The following FER1L6 variants were observed in gnomAD, a reference collection of about 807,000 sequenced individuals.
The protein encoded by FER1L6 is fer-1 like family member 6, also known as fer-1-like protein 6.
Under a neutral mutation model 219.2 loss-of-function variants are expected in FER1L6, and 177 were observed. The observed-to-expected ratio is 0.81, with a 90% CI of 0.71 to 0.91. FER1L6 has a LOEUF of 0.91. Among genes scored for constraint, FER1L6 ranks in the 40% least tolerant of loss-of-function variants. The pLI is 0.00. For missense variants in FER1L6, 2,153 were observed against 2,259.9 expected (o/e 0.95, Z 0.96); for synonymous variants, 768 against 824.3 (o/e 0.93, Z 1.17).
intron 12 of FER1L6, among the ~76,000 whole-genome samples, chr8:123,989,192 A>T (rs957028393): frequency 5.0e-4 from 76 of 152,148 alleles, no homozygotes; most frequent in African/African-American, 1.7e-3. Flanking sequence ...ATGATGAATG[A>T]TATTTTTAAT....
chr8:124,066,626 C>T (rs1820841978), intron 27 of FER1L6, 76 bp downstream of exon 27: 1 of 1,521,614 alleles, frequency 6.6e-7, no homozygotes, highest in Non-Finnish European at 8.9e-7. Context: ...CTAAGTCCTA[C>T]ATAACCTCCT....
At chr8:123,870,936 A>AGTAT (rs1348031092) in intron 1 of FER1L6, among the ~76,000 whole-genome samples, 1 of 152,240 alleles carries the variant, frequency 6.6e-6, no homozygotes, top group Non-Finnish European at 1.5e-5. Flanking sequence ...TAAAGGCAAA[A>AGTAT]GTATGTAAAC....
intron 1 of FER1L6, among the ~76,000 whole-genome samples, chr8:123,862,437 CCT>C (rs1480523765): frequency 7.1e-6 from 1 of 140,448 alleles, no homozygotes; most frequent in Non-Finnish European, 1.5e-5. Context: ...GGTCCAAAAT[CCT>C]CTTTTTTGGT....
At chr8:123,864,234 A>G (rs1816791783) in intron 1 of FER1L6, among the ~76,000 whole-genome samples, 1 of 150,278 alleles carries the variant, frequency 6.7e-6, no homozygotes, top group Non-Finnish European at 1.5e-5. Flanking sequence ...TCCTTCACTT[A>G]TGAAGCTTAG....
At chr8:124,106,499 CCA>C (rs1563804035) in intron 39 of FER1L6, among the ~76,000 whole-genome samples, 1 of 149,206 alleles carries the variant, frequency 6.7e-6, no homozygotes, top group African/African-American at 2.5e-5. Context: ...CTAGAAACCT[CCA>C]CAGTTTCATC....
chr8:124,114,480 C>G (rs1823150286), intron 39 of FER1L6, among the ~76,000 whole-genome samples: 1 of 152,066 alleles, frequency 6.6e-6, no homozygotes, highest in African/African-American at 2.4e-5. Flanking sequence ...TCAGCTCCTA[C>G]TAAAAACCAA....
intron 12 of FER1L6, among the ~76,000 whole-genome samples, chr8:123,987,840 G>A (rs568958243): frequency 2.0e-5 from 3 of 152,202 alleles, no homozygotes; most frequent in African/African-American, 4.8e-5. Flanking sequence ...GGCTGGGTGC[G>A]GTGGCTCACA....
rs373312401 is a variant in FER1L6 at position 123,929,819 on chromosome 8, T to G, written c.-7-26173T>G. Among the ~76,000 whole-genome samples, 9 of 152,182 alleles carry G rather than the reference T, an allele frequency of 5.9e-5. No individual in the cohort carries two copies. The East Asian group carries it at 9.6e-4, about 16-fold the overall frequency. ...AGCACATGAAAATTTATTTCATTGT[T>G]TTCCCCTAGGGCTGTAGCATTCTAA... On this transcript the variant is annotated intron_variant, in intron 1 of 40. Coordinates refer to ENST00000522917, the MANE Select transcript of FER1L6 (RefSeq NM_001039112.2).
chr8:123,865,366 A>G (rs1457381061), intron 1 of FER1L6, among the ~76,000 whole-genome samples: 3 of 149,780 alleles, frequency 2.0e-5, no homozygotes, highest in Non-Finnish European at 4.4e-5. Context: ...GTGCTGGGAG[A>G]ACCACTGCTC....
intron 1 of FER1L6, among the ~76,000 whole-genome samples, chr8:123,888,885 CAAATA>C (rs1250422266): frequency 6.6e-6 from 1 of 152,140 alleles, no homozygotes; most frequent in Non-Finnish European, 1.5e-5. Flanking sequence ...AATTGGCTTA[CAAATA>C]AAAGAGTCTC....
intron 34 of FER1L6, among the ~76,000 whole-genome samples, chr8:124,092,087 A>G (rs538367773): frequency 1.3e-5 from 2 of 152,132 alleles, no homozygotes; most frequent in Non-Finnish European, 2.9e-5. Flanking sequence ...GCTTGCTGGC[A>G]TATTTTCTTG....
intron 37 of FER1L6, among the ~76,000 whole-genome samples, chr8:124,098,391 T>C (rs996141497): frequency 2.0e-5 from 3 of 152,098 alleles, no homozygotes; most frequent in African/African-American, 4.8e-5. Flanking sequence ...GATGAGGTGG[T>C]ATAGCATCAG....
At chr8:123,934,340 A>G (rs1334458590) in intron 1 of FER1L6, among the ~76,000 whole-genome samples, 1 of 152,162 alleles carries the variant, frequency 6.6e-6, no homozygotes, top group Admixed American at 6.5e-5. Flanking sequence ...GGATCCAAAC[A>G]AGGATCATGT....
intron 1 of FER1L6, among the ~76,000 whole-genome samples, chr8:123,865,240 G>T (rs527318034): frequency 1.3e-5 from 2 of 149,704 alleles, no homozygotes; most frequent in Non-Finnish European, 2.9e-5. Flanking sequence ...ATACCCTGCA[G>T]TGTGAGGTGT....
At chr8:124,114,713 T>C (rs1249961959) in intron 39 of FER1L6, among the ~76,000 whole-genome samples, 3 of 152,072 alleles carry the variant, frequency 2.0e-5, no homozygotes, top group East Asian at 1.9e-4. Flanking sequence ...ATTCAGCATA[T>C]AAGATTATAT....
chr8:123,948,833 T>G (rs1814621489), intron 1 of FER1L6, among the ~76,000 whole-genome samples: 1 of 151,992 alleles, frequency 6.6e-6, no homozygotes, highest in South Asian at 2.1e-4. Flanking sequence ...TGATATGATA[T>G]ATGATATTGG....
At chr8:123,886,879 C>G (rs1817212402) in intron 1 of FER1L6, among the ~76,000 whole-genome samples, 1 of 152,160 alleles carries the variant, frequency 6.6e-6, no homozygotes, top group Admixed American at 6.5e-5. Context: ...CTACCAGTGT[C>G]AGGTATTTAT....
At chr8:123,889,230 T>C (rs1277547367) in intron 1 of FER1L6, among the ~76,000 whole-genome samples, 1 of 152,186 alleles carries the variant, frequency 6.6e-6, no homozygotes, top group Non-Finnish European at 1.5e-5. Context: ...GTAGTTAACT[T>C]TAAGTTTCTT....
chr8:123,966,338 C>T (rs1815540103), intron 5 of FER1L6, 48 bp downstream of exon 5: 4 of 1,607,598 alleles, frequency 2.5e-6, no homozygotes, highest in Non-Finnish European at 3.4e-6. Flanking sequence ...ATTCTCTTCA[C>T]CACCATTCTG....
Sources: gnomAD v4.1 joint callset for allele counts (sites outside exome capture counted in the v4.1 genomes callset) on GRCh38, gnomAD v4.1.1 for gene constraint, MANE v1.5 for transcripts, NCBI Gene and HGNC (gene_info 2026-07-23, HGNC 2026-07-21) for gene names.